Variants in PDZRN3 observed in about 807,000 individuals in gnomAD.
PDZRN3 encodes the protein PDZ domain containing ring finger 3.
A neutral mutation model predicts 85.7 loss-of-function variants in PDZRN3; 38 were observed. That is an observed-to-expected ratio of 0.44 (90% CI 0.34 to 0.58). The LOEUF (loss-of-function observed/expected upper bound fraction) is 0.58, where lower values mean the gene tolerates loss of function less well. Among genes scored for constraint, PDZRN3 ranks in the 20% least tolerant of loss-of-function variants. The pLI is 0.01. For missense variants in PDZRN3, 1,629 were observed against 1,506.4 expected (o/e 1.08, Z -1.35); for synonymous variants, 759 against 638.0 (o/e 1.19, Z -2.86).
At position 73,463,675 on chromosome 3, in the gene PDZRN3, G is replaced by A. The variant is rs148158548; in HGVS notation, c.919-59280C>T. Among the ~76,000 whole-genome samples the A allele has an allele frequency of 7.2e-3, 1,090 of 152,196 alleles. 9 individuals are homozygous for A. The highest frequency in any genetic ancestry group is 0.025 in the African/African-American group (1,036 of 41,534). On this transcript the variant is annotated intron_variant, in intron 3 of 9. Coordinates refer to ENST00000263666, the MANE Select transcript of PDZRN3 (RefSeq NM_015009.3). ...CCAGCAACCCCATTATTGGATATAT[G>A]CTCAAAGAAATATAAATAATTCTAT... is the stretch of plus-strand genomic sequence containing the variant.
At chr3:73,401,996 T>C (rs976618425) in intron 4 of PDZRN3, 17 of 152,200 alleles carry the variant, frequency 1.1e-4, no homozygotes, top group African/African-American at 3.9e-4. Flanking sequence ...ATCAGGCAAA[T>C]ATACTGCCTG....
At chr3:73,623,710 A>G (rs1702906251) in intron 1 of PDZRN3, 1 of 169,022 alleles carries the variant, frequency 5.9e-6, no homozygotes, top group Non-Finnish European at 1.3e-5. Flanking sequence ...GTCAGTCTAT[A>G]GGTTTCTGAC....
chr3:73,539,522 G>A (rs1704865466), intron 3 of PDZRN3, among the ~76,000 whole-genome samples: 1 of 152,098 alleles, frequency 6.6e-6, no homozygotes, highest in South Asian at 2.1e-4. Flanking sequence ...AGACCAGACA[G>A]CATCCACTCT....
intron 3 of PDZRN3, among the ~76,000 whole-genome samples, chr3:73,501,861 A>G (rs1178045078): frequency 6.6e-6 from 1 of 152,204 alleles, no homozygotes; most frequent in East Asian, 1.9e-4. Flanking sequence ...CTAAAAATAC[A>G]AAAAATTAGC....
intron 3 of PDZRN3, among the ~76,000 whole-genome samples, chr3:73,436,208 C>T (rs756253746): frequency 6.6e-6 from 1 of 152,226 alleles, no homozygotes; most frequent in African/African-American, 2.4e-5. Flanking sequence ...AGTAATGATT[C>T]TGTTCACTTA....
intron 3 of PDZRN3, among the ~76,000 whole-genome samples, chr3:73,458,995 C>CAAAAAAAAAAA (rs35284667): frequency 2.4e-5 from 3 of 124,120 alleles, no homozygotes; most frequent in Non-Finnish European, 1.7e-5. Flanking sequence ...CCATCTCAAA[C>CAAAAAAAAAAA]AAAAAAAAAA....
intron 3 of PDZRN3, among the ~76,000 whole-genome samples, chr3:73,536,315 T>C (rs915193579): frequency 6.6e-6 from 1 of 152,224 alleles, no homozygotes; most frequent in Non-Finnish European, 1.5e-5. Flanking sequence ...GGTGTCCTTG[T>C]AGCCTGCCTG....
Position 73,491,592 on chromosome 3 carries a change from C to CTTTTT in PDZRN3, c.919-87198_919-87197insAAAAA, listed in dbSNP as rs367581488. ...AAAGAAAAACCTTGTGTGGAAGGTTCCTTTTTTTTTTTTAAGAAGCAGGGT... is the reference window on the plus strand; with the variant it reads ...AAAGAAAAACCTTGTGTGGAAGGTTCTTTTTCTTTTTTTTTTTTAAGAAGCAGGGT... On this transcript the variant is annotated intron_variant, in intron 3 of 9. Coordinates refer to ENST00000263666, the MANE Select transcript of PDZRN3 (RefSeq NM_015009.3). Among the ~76,000 whole-genome samples, 17 of 117,536 alleles carry CTTTTT rather than the reference C, an allele frequency of 1.4e-4. 4 individuals carry two copies. Among genetic ancestry groups the CTTTTT allele is most frequent in the East Asian group, 4.7e-4 (2 of 4,290 alleles). 77.1% of individuals were successfully genotyped at this position (117,536 alleles called of 152,430 possible). A position where few individuals can be genotyped will look rare whatever the true frequency, so the allele number is the denominator to read the frequency against.
intron 3 of PDZRN3, among the ~76,000 whole-genome samples, chr3:73,541,846 T>G (rs1353153665): frequency 2.0e-5 from 3 of 152,222 alleles, no homozygotes; most frequent in African/African-American, 7.2e-5. Context: ...CATCTTATTT[T>G]ATTTCCACTT....
At chr3:73,508,943 G>T (rs989952702) in intron 3 of PDZRN3, among the ~76,000 whole-genome samples, 1 of 152,110 alleles carries the variant, frequency 6.6e-6, no homozygotes, top group South Asian at 2.1e-4. Context: ...TATGCCTATG[G>T]TTTATCCAGA....
rs533975583 is a variant in PDZRN3 at position 73,399,829 on chromosome 3, T to TGGCA, written c.1254+1089_1254+1092dup. On this transcript the variant is annotated intron_variant, in intron 5 of 9. Transcript: ENST00000263666. ...ACTGGCACAGAGTCAGTCATGCCACTGGCAACAAGTCCTTTGATTTGACTG... is the reference window on the plus strand; with the variant it reads ...ACTGGCACAGAGTCAGTCATGCCACTGGCAGGCAACAAGTCCTTTGATTTGACTG... Among the ~76,000 whole-genome samples, 193 of 152,358 alleles carry TGGCA rather than the reference T, an allele frequency of 1.3e-3. 1 individual carries two copies. Among genetic ancestry groups the TGGCA allele is most frequent in the East Asian group, 7.9e-3 (41 of 5,190 alleles).
chr3:73,614,708 T>C (rs776482725), intron 1 of PDZRN3, among the ~76,000 whole-genome samples: 1 of 152,200 alleles, frequency 6.6e-6, no homozygotes, highest in Non-Finnish European at 1.5e-5. Flanking sequence ...CAGGCAAAAA[T>C]GTGCAGAGAT....
At chr3:73,563,863 T>C (rs1367254251) in intron 3 of PDZRN3, among the ~76,000 whole-genome samples, 6 of 152,176 alleles carry the variant, frequency 3.9e-5, no homozygotes, top group Admixed American at 3.3e-4. Context: ...AGAACATAAA[T>C]AGCGAGAAGA....
intron 3 of PDZRN3, among the ~76,000 whole-genome samples, chr3:73,528,547 G>A (rs1704577624): frequency 6.6e-6 from 1 of 152,096 alleles, no homozygotes; most frequent in Admixed American, 6.5e-5. Flanking sequence ...TCTTTTATAT[G>A]CGATTACGAA....
intron 1 of PDZRN3, among the ~76,000 whole-genome samples, chr3:73,621,189 T>C (rs1420311240): frequency 1.3e-5 from 2 of 152,080 alleles, no homozygotes; most frequent in African/African-American, 4.8e-5. Flanking sequence ...TTAATATAGC[T>C]CACATGGTAG....
intron 7 of PDZRN3, 33 bp downstream of exon 7, chr3:73,389,783 C>T (rs1396173264): frequency 5.4e-6 from 8 of 1,478,466 alleles, no homozygotes; most frequent in South Asian, 4.5e-5. Flanking sequence ...GTGATAGGCC[C>T]ATCATGAGGC....
chr3:73,572,225 C>T (rs963048792), intron 3 of PDZRN3, among the ~76,000 whole-genome samples: 3 of 152,024 alleles, frequency 2.0e-5, no homozygotes, highest in African/African-American at 7.2e-5. Context: ...AAGTTTTGAC[C>T]CATTTAATGT....
At chr3:73,531,463 G>A (rs1022329794) in intron 3 of PDZRN3, among the ~76,000 whole-genome samples, 4 of 152,074 alleles carry the variant, frequency 2.6e-5, no homozygotes, top group African/African-American at 9.7e-5. Flanking sequence ...TACACTTGAG[G>A]ATGACTTGGG....
At chr3:73,511,941 A>G (rs2106708880) in intron 3 of PDZRN3, among the ~76,000 whole-genome samples, 1 of 152,376 alleles carries the variant, frequency 6.6e-6, no homozygotes, top group African/African-American at 2.4e-5. Context: ...CAGAGAGACC[A>G]GAAAGTAAAC....
Sources: gnomAD v4.1 joint callset for allele counts (sites outside exome capture counted in the v4.1 genomes callset) on GRCh38, gnomAD v4.1.1 for gene constraint, MANE v1.5 for transcripts, NCBI Gene and HGNC (gene_info 2026-07-23, HGNC 2026-07-21) for gene names.